Variants in ATF2 observed in about 807,000 individuals in gnomAD.
The protein encoded by ATF2 is cyclic AMP-dependent transcription factor ATF-2.
Under a neutral mutation model 60.6 loss-of-function variants are expected in ATF2, and 24 were observed. The ratio of observed to expected loss-of-function variants is 0.40; its 90% CI spans 0.29 to 0.56. The LOEUF (loss-of-function observed/expected upper bound fraction) is 0.56, where lower values mean the gene tolerates loss of function less well. ATF2 is among the 20% of genes least tolerant of loss of function. The pLI, the probability that ATF2 is intolerant of heterozygous loss-of-function variation, is 0.54. For synonymous variants in ATF2, 206 were observed against 215.4 expected, an observed-to-expected ratio of 0.96 and a Z score of 0.38; for missense variants, 433 against 607.7, an observed-to-expected ratio of 0.71 and a Z score of 3.02.
Position 175,073,349 on chromosome 2 carries a change from C to T in ATF2, c.*1260G>A, listed in dbSNP as rs1693062609. The T allele has an allele frequency of 6.6e-6, 1 of 151,992 alleles. No homozygotes were observed. The highest frequency in any genetic ancestry group is 2.4e-5 in the African/African-American group (1 of 41,396). The allele number at this position is 151,992 out of a possible 1,614,324, so 9.4% of individuals were successfully genotyped here. ...GCTACATCATGGAATGTTAGTTATC[C>T]AAGCCTGCACAATAATGACATTTTA... On this transcript the variant is annotated 3_prime_UTR_variant, in exon 14 of 14. Transcript: ENST00000264110.
At chr2:175,145,225 T>C (rs1298280769) in intron 2 of ATF2, among the ~76,000 whole-genome samples, 1 of 152,178 alleles carries the variant, frequency 6.6e-6, no homozygotes, top group Non-Finnish European at 1.5e-5. Context: ...GAGTGTGATA[T>C]AGGTTGAATA....
intron 10 of ATF2, among the ~76,000 whole-genome samples, chr2:175,107,930 C>T (rs956927966): frequency 6.6e-6 from 1 of 152,206 alleles, no homozygotes; most frequent in Non-Finnish European, 1.5e-5. Flanking sequence ...CCTCCACCTC[C>T]CAGCCGCCTG....
At chr2:175,089,529 T>G (rs1694398246) in intron 12 of ATF2, among the ~76,000 whole-genome samples, 1 of 152,190 alleles carries the variant, frequency 6.6e-6, no homozygotes, top group Admixed American at 6.5e-5. Context: ...TGTTTTCACA[T>G]AAAGTAGGGT....
intron 13 of ATF2, among the ~76,000 whole-genome samples, chr2:175,077,913 A>G (rs928518029): frequency 5.3e-5 from 8 of 152,174 alleles, no homozygotes; most frequent in Admixed American, 1.3e-4. Flanking sequence ...CCTAAGCTAA[A>G]AGAAACCAGC....
intron 7 of ATF2, among the ~76,000 whole-genome samples, chr2:175,116,440 G>A (rs1240964995): frequency 6.6e-6 from 1 of 151,990 alleles, no homozygotes; most frequent in African/African-American, 2.4e-5. Context: ...AAGAATCAAG[G>A]ACTCTGATTT....
chr2:175,078,563 A>G (rs1693538408), intron 13 of ATF2, among the ~76,000 whole-genome samples: 1 of 152,146 alleles, frequency 6.6e-6, no homozygotes, highest in Non-Finnish European at 1.5e-5. Context: ...TAGGACTTTC[A>G]GTGCTAAAAC....
At chr2:175,079,252 T>A (rs34454159) in intron 13 of ATF2, among the ~76,000 whole-genome samples, 1 of 152,212 alleles carries the variant, frequency 6.6e-6, no homozygotes, top group Non-Finnish European at 1.5e-5. Flanking sequence ...CAGGTAATTC[T>A]GAATTGGATA....
chr2:175,124,463 T>C, intron 4 of ATF2, among the ~76,000 whole-genome samples: 1 of 151,898 alleles, frequency 6.6e-6, no homozygotes, highest in Non-Finnish European at 1.5e-5. Context: ...TCACCAGAAT[T>C]AACTTCCTAA....
chr2:175,098,083 T>A (rs1695056282), intron 10 of ATF2, among the ~76,000 whole-genome samples: 1 of 152,230 alleles, frequency 6.6e-6, no homozygotes, highest in Non-Finnish European at 1.5e-5. Context: ...AATAAAAATT[T>A]GTCATATGCA....
intron 1 of ATF2, among the ~76,000 whole-genome samples, chr2:175,155,816 CTATGA>C (rs1327825285): frequency 6.6e-6 from 1 of 152,092 alleles, no homozygotes; most frequent in East Asian, 1.9e-4. Context: ...CATCAAATCA[CTATGA>C]TATTTAGGTA....
chr2:175,111,780 T>C (rs1302990384), intron 9 of ATF2, 126 bp from the exon 10 acceptor site: 1 of 777,504 alleles, frequency 1.3e-6, no homozygotes, highest in Admixed American at 2.8e-5. Flanking sequence ...ACCAGCTGAT[T>C]TTATCTCTAT....
intron 4 of ATF2, among the ~76,000 whole-genome samples, chr2:175,125,496 T>C (rs763217471): frequency 1.3e-5 from 2 of 152,030 alleles, no homozygotes; most frequent in Non-Finnish European, 2.9e-5. Context: ...TATGAGTGAG[T>C]ATAAAAAATT....
At chr2:175,141,401 T>C (rs962396391) in intron 2 of ATF2, among the ~76,000 whole-genome samples, 12 of 152,228 alleles carry the variant, frequency 7.9e-5, no homozygotes, top group African/African-American at 2.6e-4. Flanking sequence ...CCAAATTAAA[T>C]ACAACATGAA....
In ATF2 at chr2:175,074,051, TAA is replaced by T. The variant is rs1211031558; in HGVS notation, c.*556_*557del. Reference sequence around the variant, plus strand: ...TGTCTTTACCATGTTTTCACTCACTTAAAAAAAAGTGTTCTTTAATGTTTTTC... The same window carrying T: ...TGTCTTTACCATGTTTTCACTCACTTAAAAAAGTGTTCTTTAATGTTTTTC... On this transcript the variant is annotated 3_prime_UTR_variant, in exon 14 of 14. Coordinates refer to ENST00000264110, the MANE Select transcript of ATF2 (RefSeq NM_001880.4). 1 of 152,036 alleles carries T rather than the reference TAA, an allele frequency of 6.6e-6. No individual in the cohort carries two copies. Among genetic ancestry groups the T allele is most frequent in the African/African-American group, 2.4e-5 (1 of 41,408 alleles). The allele number at this position is 152,036 out of a possible 1,614,324, so 9.4% of individuals were successfully genotyped here.
At chr2:175,159,498 C>T (rs1168878073) in intron 1 of ATF2, among the ~76,000 whole-genome samples, 1 of 152,078 alleles carries the variant, frequency 6.6e-6, no homozygotes, top group Non-Finnish European at 1.5e-5. Flanking sequence ...CCACTCACAG[C>T]AGACATGAGA....
Position 175,114,560 on chromosome 2 carries a change from C to G in ATF2, c.626+130G>C, listed in dbSNP as rs943645591. ...AAAGAAGACTACGCAAGTACTTTTT[C>G]CAAAATTCGAAGCATGCACACACAT... On this transcript the variant is annotated intron_variant, in intron 8 of 13. Transcript: ENST00000264110. 2.8e-6 allele frequency: 4 copies of G among 1,408,062 alleles called. No individual in the cohort carries two copies. In the African/African-American group the frequency reaches 5.8e-5, roughly 20 times the overall value. The allele number at this position is 1,408,062 out of a possible 1,614,324, so 87.2% of individuals were successfully genotyped here.
At chr2:175,145,827 AAAT>A (rs1365423147) in intron 2 of ATF2, among the ~76,000 whole-genome samples, 1 of 152,222 alleles carries the variant, frequency 6.6e-6, no homozygotes, top group Non-Finnish European at 1.5e-5. Context: ...TGATCAAAAT[AAAT>A]AATGATAGTA....
intron 1 of ATF2, among the ~76,000 whole-genome samples, chr2:175,154,661 T>C (rs1366932325): frequency 1.3e-5 from 2 of 152,214 alleles, no homozygotes; most frequent in African/African-American, 4.8e-5. Context: ...TAGGTTTGTT[T>C]ACACCAACAT....
chr2:175,163,946 G>GA (rs992540148), intron 1 of ATF2, among the ~76,000 whole-genome samples: 31 of 48,000 alleles, frequency 6.5e-4, no homozygotes, highest in Non-Finnish European at 1.3e-3. Flanking sequence ...AAGTGAAAAT[G>GA]AATACACTAG....
Sources: allele counts gnomAD v4.1 joint callset (sites outside exome capture counted in the v4.1 genomes callset), GRCh38; gene constraint gnomAD v4.1.1; transcripts MANE v1.5; gene names NCBI Gene and HGNC (gene_info 2026-07-23, HGNC 2026-07-21).